Variants in CDC27 observed in about 807,000 individuals in gnomAD.
CDC27 encodes the protein cell division cycle 27.
Under a neutral mutation model 109.7 loss-of-function variants are expected in CDC27, and 27 were observed. The ratio of observed to expected loss-of-function variants is 0.25; its 90% CI spans 0.18 to 0.34. The LOEUF is 0.34. CDC27 is among the 10% of genes least tolerant of loss of function. The pLI, the probability that CDC27 is intolerant of heterozygous loss-of-function variation, is 1.00. For synonymous variants in CDC27, 266 were observed against 333.9 expected, an observed-to-expected ratio of 0.80 and a Z score of 2.22; for missense variants, 579 against 960.2, an observed-to-expected ratio of 0.60 and a Z score of 5.25.
intron 16 of CDC27, among the ~76,000 whole-genome samples, chr17:47,124,300 T>C (rs1408499180): frequency 7.6e-6 from 1 of 132,388 alleles, no homozygotes; most frequent in Non-Finnish European, 1.7e-5. Flanking sequence ...TTTTTATTTA[T>C]TGAGGTGGAG....
rs1219945848 is a variant in CDC27, at chr17:47,125,700, T to C, written c.2161-1740A>G. On this transcript the variant is annotated intron_variant, in intron 16 of 18. Coordinates refer to ENST00000066544, the MANE Select transcript of CDC27 (RefSeq NM_001256.6). ...CTGTGATTACAGGCGCCCGCCACCATGCCTGGCTAATTTTTGTATTTTTAG... is the reference window on the plus strand; with the variant it reads ...CTGTGATTACAGGCGCCCGCCACCACGCCTGGCTAATTTTTGTATTTTTAG... 3.9e-5 allele frequency among the ~76,000 whole-genome samples: 6 copies of C among 151,992 alleles called. No homozygotes were observed. In the East Asian group the frequency reaches 5.8e-4, roughly 15 times the overall value.
At chr17:47,188,645 T>C in intron 1 of CDC27, 1 of 575,928 alleles carries the variant, frequency 1.7e-6, no homozygotes, top group Non-Finnish European at 2.2e-6. Flanking sequence ...ATAGGAAGTC[T>C]GTTACCAAAA....
chr17:47,187,475 T>C (rs1347978101), intron 1 of CDC27, among the ~76,000 whole-genome samples: 1 of 151,942 alleles, frequency 6.6e-6, no homozygotes, highest in African/African-American at 2.4e-5. Context: ...TAATTTTTTA[T>C]ATTTTTAGTA....
At chr17:47,175,039 GAGGAAGGAAGGAAGGAAGGA>G (rs71138592) in intron 2 of CDC27, among the ~76,000 whole-genome samples, 33 of 130,010 alleles carry the variant, frequency 2.5e-4, no homozygotes, top group African/African-American at 3.8e-4. Flanking sequence ...AAGAGAGAGA[GAGGAAGGAAGGAAGGAAGGA>G]AGGAAGGAAG....
At chr17:47,180,813 T>C (rs770733960) in intron 2 of CDC27, among the ~76,000 whole-genome samples, 25 of 151,958 alleles carry the variant, frequency 1.6e-4, no homozygotes, top group Non-Finnish European at 2.9e-4. Context: ...AGATGAAATA[T>C]CTGAATTTTC....
intron 2 of CDC27, among the ~76,000 whole-genome samples, chr17:47,180,881 G>C (rs1283235122): frequency 1.4e-5 from 2 of 147,114 alleles, no homozygotes; most frequent in Non-Finnish European, 3.0e-5. Context: ...GACAGGTTAG[G>C]ATTTGTTCCA....
At chr17:47,145,107 A>C (rs554852697) in intron 9 of CDC27, among the ~76,000 whole-genome samples, 3 of 152,362 alleles carry the variant, frequency 2.0e-5, no homozygotes, top group Non-Finnish European at 2.9e-5. Context: ...AAAATGGAAT[A>C]AATTTATTCT....
At chr17:47,127,605 G>A (rs902994000) in intron 16 of CDC27, among the ~76,000 whole-genome samples, 2 of 152,022 alleles carry the variant, frequency 1.3e-5, no homozygotes, top group African/African-American at 4.8e-5. Context: ...GTTTCACCAA[G>A]TTGGCCGGGC....
chr17:47,173,143 T>C (rs2063865059), intron 2 of CDC27, among the ~76,000 whole-genome samples: 1 of 152,242 alleles, frequency 6.6e-6, no homozygotes, highest in African/African-American at 2.4e-5. Context: ...CACATCTTTT[T>C]AAATAGTTAA....
intron 16 of CDC27, among the ~76,000 whole-genome samples, chr17:47,124,256 CATCTATCTATCT>C (rs71365043): frequency 1.4e-4 from 21 of 148,166 alleles, no homozygotes; most frequent in African/African-American, 4.8e-4. Context: ...TGCTTTTGGT[CATCTATCTATCT>C]ATCTATCTAT....
intron 2 of CDC27, among the ~76,000 whole-genome samples, chr17:47,172,600 C>A (rs1424947534): frequency 6.6e-6 from 1 of 152,092 alleles, no homozygotes; most frequent in Admixed American, 6.5e-5. Context: ...ATTGTGAATG[C>A]TCACACCATT....
intron 4 of CDC27, chr17:47,162,003 C>T (rs1242863116): frequency 1.3e-5 from 2 of 152,170 alleles, no homozygotes; most frequent in East Asian, 1.9e-4. Flanking sequence ...GCAATTTCAT[C>T]TAGGTTTTAC....
chr17:47,131,261 A>G (rs982449364), intron 15 of CDC27, among the ~76,000 whole-genome samples: 1 of 152,234 alleles, frequency 6.6e-6, no homozygotes, highest in African/African-American at 2.4e-5. Flanking sequence ...ACAAAAAATA[A>G]TTTTAAGTAG....
chr17:47,152,605 T>C (rs2063184045), intron 8 of CDC27, among the ~76,000 whole-genome samples: 1 of 152,208 alleles, frequency 6.6e-6, no homozygotes. Flanking sequence ...ATGACTATTG[T>C]ATCAGTGCAC....
intron 13 of CDC27, among the ~76,000 whole-genome samples, chr17:47,138,262 C>T (rs1041543210): frequency 1.2e-4 from 19 of 152,010 alleles, no homozygotes; most frequent in Non-Finnish European, 2.4e-4. Context: ...ACAGAATTAC[C>T]GCAAATAATG....
intron 16 of CDC27, among the ~76,000 whole-genome samples, chr17:47,126,557 C>A (rs1299474325): frequency 6.6e-6 from 1 of 152,102 alleles, no homozygotes; most frequent in Non-Finnish European, 1.5e-5. Flanking sequence ...ATATCATAGT[C>A]CAGACAACTG....
chr17:47,139,551 G>A (rs1162423995), intron 12 of CDC27, among the ~76,000 whole-genome samples: 2 of 152,154 alleles, frequency 1.3e-5, no homozygotes, highest in Non-Finnish European at 2.9e-5. Context: ...ACAGGCATGA[G>A]CCACCACACC....
chr17:47,134,036 C>T (rs1404624290), intron 14 of CDC27, among the ~76,000 whole-genome samples: 4 of 152,114 alleles, frequency 2.6e-5, no homozygotes, highest in African/African-American at 9.7e-5. Context: ...CAGGTGTGAG[C>T]TACCACCCCC....
intron 12 of CDC27, among the ~76,000 whole-genome samples, chr17:47,141,134 G>A (rs953279727): frequency 1.3e-5 from 2 of 152,120 alleles, no homozygotes; most frequent in African/African-American, 4.8e-5. Context: ...GATATCATAT[G>A]CACAGAGATA....
Sources: allele counts gnomAD v4.1 joint callset (sites outside exome capture counted in the v4.1 genomes callset), GRCh38; gene constraint gnomAD v4.1.1; transcripts MANE v1.5; gene names NCBI Gene and HGNC (gene_info 2026-07-23, HGNC 2026-07-21).